The following LHPP variants were observed in gnomAD, a reference collection of about 807,000 sequenced individuals.
The protein encoded by LHPP is phospholysine phosphohistidine inorganic pyrophosphate phosphatase.
In LHPP, 24 loss-of-function variants were observed where a neutral mutation model predicts 30.3. The ratio of observed to expected loss-of-function variants is 0.79; its 90% CI spans 0.57 to 1.11. The LOEUF (loss-of-function observed/expected upper bound fraction) is 1.11. LHPP is among the 50% of genes most tolerant of loss of function. LHPP has a pLI of 0.00. For synonymous variants in LHPP, 150 were observed against 157.1 expected, an observed-to-expected ratio of 0.95 and a Z score of 0.34; for missense variants, 356 against 367.2, an observed-to-expected ratio of 0.97 and a Z score of 0.25.
At chr10:124,575,154 A>G (rs1948641273) in intron 6 of LHPP, among the ~76,000 whole-genome samples, 1 of 152,156 alleles carries the variant, frequency 6.6e-6, no homozygotes, top group Non-Finnish European at 1.5e-5. Flanking sequence ...AGGGCAAAAT[A>G]GGAAGTTTAC....
intron 6 of LHPP, among the ~76,000 whole-genome samples, chr10:124,608,298 C>T (rs1210699309): frequency 1.3e-5 from 2 of 152,264 alleles, no homozygotes; most frequent in East Asian, 1.9e-4. Flanking sequence ...CCTGTGTGCC[C>T]AGGGGAAGGC....
At chr10:124,584,424 A>T (rs1948777513) in intron 6 of LHPP, among the ~76,000 whole-genome samples, 1 of 151,880 alleles carries the variant, frequency 6.6e-6, no homozygotes, top group African/African-American at 2.4e-5. Flanking sequence ...TGGAGCTGGG[A>T]ATTCCAATAT....
intron 1 of LHPP, among the ~76,000 whole-genome samples, chr10:124,474,107 A>C (rs999081633): frequency 7.0e-6 from 1 of 142,724 alleles, no homozygotes; most frequent in African/African-American, 2.6e-5. Context: ...GGGTCAAATA[A>C]TTTTGAAGAG....
Position 124,542,952 on chromosome 10 carries a change from A to G in LHPP, c.716+25681A>G, listed in dbSNP as rs138556945. Among the ~76,000 whole-genome samples the G allele has an allele frequency of 3.5e-3, 532 of 152,192 alleles. 3 individuals carry two copies. The highest frequency in any genetic ancestry group is 0.012 in the African/African-American group (513 of 41,520). ...TCCCTGCCTGCCCATGGCTCTTGCCACAGTGGGGATGCAGCAGCTCTGGGT... is the reference window on the plus strand; with the variant it reads ...TCCCTGCCTGCCCATGGCTCTTGCCGCAGTGGGGATGCAGCAGCTCTGGGT... On this transcript the variant is annotated intron_variant, in intron 6 of 6. Transcript: ENST00000368842.
At chr10:124,472,925 C>T (rs1429696355) in intron 1 of LHPP, among the ~76,000 whole-genome samples, 2 of 152,156 alleles carry the variant, frequency 1.3e-5, no homozygotes, top group African/African-American at 4.8e-5. Flanking sequence ...GGGGTAGAGT[C>T]ATAATAGAAT....
At chr10:124,546,133 G>A (rs1589850988) in intron 6 of LHPP, 1 of 152,370 alleles carries the variant, frequency 6.6e-6, no homozygotes, top group East Asian at 1.9e-4. Flanking sequence ...TGGGGTGGAA[G>A]GGGTGCGCCC....
chr10:124,570,450 G>T (rs1342191147), intron 6 of LHPP, among the ~76,000 whole-genome samples: 2 of 152,172 alleles, frequency 1.3e-5, no homozygotes, highest in East Asian at 3.8e-4. Flanking sequence ...TGAGCAGCCA[G>T]GTTTTTAATT....
intron 6 of LHPP, among the ~76,000 whole-genome samples, chr10:124,540,675 A>G (rs1019063851): frequency 6.6e-6 from 1 of 152,146 alleles, no homozygotes; most frequent in Non-Finnish European, 1.5e-5. Context: ...ACGGTGCTCC[A>G]TGGTTTGACT....
At chr10:124,498,165 A>AGGGAGGCC in intron 5 of LHPP, 37 bp downstream of exon 5, 3 of 1,542,502 alleles carry the variant, frequency 1.9e-6, no homozygotes, top group South Asian at 1.1e-5. Context: ...CAGGGGAGGC[A>AGGGAGGCC]GCCCCGTCAG....
intron 5 of LHPP, among the ~76,000 whole-genome samples, chr10:124,514,705 T>C (rs1954402318): frequency 6.6e-6 from 1 of 152,234 alleles, no homozygotes; most frequent in African/African-American, 2.4e-5. Context: ...TTCATTGGGA[T>C]CTTGGATCTG....
chr10:124,508,272 C>G (rs977594718), intron 5 of LHPP, among the ~76,000 whole-genome samples: 2 of 152,180 alleles, frequency 1.3e-5, no homozygotes, highest in African/African-American at 2.4e-5. Context: ...TGGGCATTTT[C>G]TTTGGATTGT....
chr10:124,498,665 T>G (rs1341082472), intron 5 of LHPP: 2 of 339,306 alleles, frequency 5.9e-6, no homozygotes, highest in Admixed American at 4.0e-5. Context: ...TTTTTCTTTT[T>G]TTTTTTTTTT....
chr10:124,468,611 C>G (rs1443912253), intron 1 of LHPP, among the ~76,000 whole-genome samples: 1 of 152,166 alleles, frequency 6.6e-6, no homozygotes, highest in Non-Finnish European at 1.5e-5. Context: ...TTCCACTGGC[C>G]CCCAGTTACA....
At chr10:124,588,173 G>A (rs1051369669) in intron 6 of LHPP, among the ~76,000 whole-genome samples, 1 of 152,240 alleles carries the variant, frequency 6.6e-6, no homozygotes, top group African/African-American at 2.4e-5. Context: ...GCCCAGAGGT[G>A]GCCACAGGCA....
intron 6 of LHPP, among the ~76,000 whole-genome samples, chr10:124,524,357 A>C (rs1317665791): frequency 2.0e-5 from 3 of 149,226 alleles, no homozygotes; most frequent in African/African-American, 7.5e-5. Flanking sequence ...GCTCACTACA[A>C]CCTCCGCCTC....
intron 6 of LHPP, among the ~76,000 whole-genome samples, chr10:124,552,570 C>T (rs1015900004): frequency 5.3e-5 from 8 of 152,186 alleles, no homozygotes; most frequent in African/African-American, 1.2e-4. Context: ...TGAGAGAAGA[C>T]GAGCTGAGCA....
chr10:124,513,462 C>CTT (rs34225779), intron 5 of LHPP, among the ~76,000 whole-genome samples: 13,973 of 92,076 alleles, frequency 0.15, 3,747 homozygotes, highest in African/African-American at 0.21. Flanking sequence ...ATTATTATTA[C>CTT]TTTTTTTTTT....
At chr10:124,479,258 A>G (rs1202442018) in intron 1 of LHPP, among the ~76,000 whole-genome samples, 1 of 152,120 alleles carries the variant, frequency 6.6e-6, no homozygotes, top group Non-Finnish European at 1.5e-5. Flanking sequence ...GGAACAGCCC[A>G]TCCCAGAGCT....
At chr10:124,565,041 C>T (rs1404103137) in intron 6 of LHPP, among the ~76,000 whole-genome samples, 2 of 152,082 alleles carry the variant, frequency 1.3e-5, no homozygotes, top group Admixed American at 6.6e-5. Flanking sequence ...TGTCCTTGTC[C>T]AGCAAGCGCT....
Sources: allele counts gnomAD v4.1 joint callset (sites outside exome capture counted in the v4.1 genomes callset), GRCh38; gene constraint gnomAD v4.1.1; transcripts MANE v1.5; gene names NCBI Gene and HGNC (gene_info 2026-07-23, HGNC 2026-07-21).